NFU1: variants seen among roughly 807,000 people sequenced by gnomAD.
NFU1 encodes the protein NFU1 iron-sulfur cluster scaffold homolog, mitochondrial.
Under a neutral mutation model 32.2 loss-of-function variants are expected in NFU1, and 30 were observed. The observed-to-expected ratio is 0.93, with a 90% CI of 0.70 to 1.26. NFU1 has a LOEUF of 1.26. Among genes scored for constraint, NFU1 ranks in the 50% most tolerant of loss-of-function variants. The pLI is 0.00. For synonymous variants in NFU1, 112 were observed against 104.6 expected, an observed-to-expected ratio of 1.07 and a Z score of -0.43; for missense variants, 306 against 306.6, an observed-to-expected ratio of 1.00 and a Z score of 0.02.
At chr2:69,418,051 T>C (rs1047273513) in intron 4 of NFU1, among the ~76,000 whole-genome samples, 9 of 152,158 alleles carry the variant, frequency 5.9e-5, no homozygotes, top group African/African-American at 9.7e-5. Flanking sequence ...ACATTGAATA[T>C]ATTAAATAAA....
In NFU1 at chr2:69,423,319, T is replaced by TA. The variant is rs1379842482; in HGVS notation, c.302+262dup. Reference sequence around the variant, plus strand: ...GTGTGTGGTAGAGATGGAGTCTCTCTATGTTGCCCAGGCTGGTCTCAAACT... The same window carrying TA: ...GTGTGTGGTAGAGATGGAGTCTCTCTAATGTTGCCCAGGCTGGTCTCAAACT... On this transcript the variant is annotated intron_variant, in intron 3 of 7. Coordinates refer to ENST00000410022, the MANE Select transcript of NFU1 (RefSeq NM_001002755.4). 2.9e-4 allele frequency among the ~76,000 whole-genome samples: 40 copies of TA among 138,766 alleles called. 1 individual carries two copies. The highest frequency in any genetic ancestry group is 1.0e-3 in the African/African-American group (38 of 36,942). 91.0% of individuals were successfully genotyped at this position (138,766 alleles called of 152,430 possible). A position where few individuals can be genotyped will look rare whatever the true frequency, so the allele number is the denominator to read the frequency against.
At chr2:69,428,166 A>G (rs1228311195) in intron 2 of NFU1, among the ~76,000 whole-genome samples, 1 of 151,930 alleles carries the variant, frequency 6.6e-6, no homozygotes, top group Non-Finnish European at 1.5e-5. Flanking sequence ...GGTTATGCCT[A>G]TAATCCCCAG....
At chr2:69,437,623 T>A (rs1358614632), upstream of NFU1, 1 of 680,330 alleles carries the variant, frequency 1.5e-6, no homozygotes, top group East Asian at 2.7e-5. Flanking sequence ...CCGGGGAACC[T>A]TTCCCGTTTG....
intron 3 of NFU1, among the ~76,000 whole-genome samples, chr2:69,421,284 A>G (rs920862292): frequency 6.6e-6 from 1 of 152,120 alleles, no homozygotes; most frequent in African/African-American, 2.4e-5. Flanking sequence ...GAGAAGTGAT[A>G]TGTTTAAGAA....
intron 2 of NFU1, among the ~76,000 whole-genome samples, chr2:69,428,959 G>A (rs1357144951): frequency 6.6e-6 from 1 of 152,148 alleles, no homozygotes; most frequent in African/African-American, 2.4e-5. Flanking sequence ...AAAATTGAAA[G>A]TGAACTCCCA....
At chr2:69,430,497 G>A (rs1356291252) in intron 2 of NFU1, among the ~76,000 whole-genome samples, 3 of 152,120 alleles carry the variant, frequency 2.0e-5, no homozygotes, top group East Asian at 1.9e-4. Flanking sequence ...TTATAGGCAT[G>A]AGCCACCATG....
chr2:69,397,621 A>G (rs1334498472), intron 7 of NFU1, among the ~76,000 whole-genome samples: 1 of 151,248 alleles, frequency 6.6e-6, no homozygotes, highest in East Asian at 1.9e-4. Context: ...TTTTTTTTAA[A>G]AAAAATCTAG....
Position 69,396,137 on chromosome 2 carries a change from G to A in NFU1, c.*109C>T. The A allele has an allele frequency of 1.1e-6, 1 of 881,898 alleles. No homozygotes were observed. Among genetic ancestry groups the A allele is most frequent in the South Asian group, 1.5e-5 (1 of 68,550 alleles). The allele number at this position is 881,898 out of a possible 1,614,324, so 54.6% of individuals were successfully genotyped here. On this transcript the variant is annotated 3_prime_UTR_variant, in exon 8 of 8. Coordinates refer to ENST00000410022, the MANE Select transcript of NFU1 (RefSeq NM_001002755.4). ...ATGCAATATTTATATATCATTCTCT[G>A]AAGAGCATATTTTATTAATCTTCAA...
intron 4 of NFU1, 100 bp downstream of exon 4, chr2:69,419,438 T>C: frequency 1.5e-6 from 1 of 685,452 alleles, no homozygotes; most frequent in Non-Finnish European, 2.6e-6. Context: ...AATATAAAAA[T>C]TAAAGAACAG....
chr2:69,435,879 A>T (rs1221854929), intron 1 of NFU1, among the ~76,000 whole-genome samples: 1 of 148,644 alleles, frequency 6.7e-6, no homozygotes, highest in Non-Finnish European at 1.5e-5. Flanking sequence ...CAGCCTCCCA[A>T]CTCGCTGGGA....
At chr2:69,439,347 C>G (rs1215817767), upstream of NFU1, among the ~76,000 whole-genome samples, 1 of 152,008 alleles carries the variant, frequency 6.6e-6, no homozygotes, top group Non-Finnish European at 1.5e-5. Flanking sequence ...GATGGTGTGT[C>G]CAGAGTCTGT....
chr2:69,436,185 C>T (rs1425551109), intron 1 of NFU1, among the ~76,000 whole-genome samples: 2 of 152,174 alleles, frequency 1.3e-5, no homozygotes, highest in Non-Finnish European at 2.9e-5. Flanking sequence ...CTCAGTTCTT[C>T]ATCTCTACAA....
At chr2:69,421,468 A>G (rs1034337915) in intron 3 of NFU1, among the ~76,000 whole-genome samples, 3 of 151,724 alleles carry the variant, frequency 2.0e-5, no homozygotes, top group East Asian at 1.9e-4. Context: ...CAAAATTTCA[A>G]CTGATGCTGA....
At chr2:69,435,582 G>A (rs1673802051) in intron 1 of NFU1, among the ~76,000 whole-genome samples, 1 of 152,146 alleles carries the variant, frequency 6.6e-6, no homozygotes, top group South Asian at 2.1e-4. Flanking sequence ...CTGTGGGACT[G>A]TAACCCATAG....
At chr2:69,426,127 C>G (rs1359032259) in intron 2 of NFU1, among the ~76,000 whole-genome samples, 1 of 152,102 alleles carries the variant, frequency 6.6e-6, no homozygotes, top group African/African-American at 2.4e-5. Flanking sequence ...TGTGCACCAC[C>G]ACACCCAGCT....
chr2:69,429,892 G>C (rs1022070753), intron 2 of NFU1: 3 of 196,234 alleles, frequency 1.5e-5, no homozygotes, highest in Non-Finnish European at 3.3e-5. Context: ...AGCTGGGTGT[G>C]TTGGTACGCA....
intron 1 of NFU1, among the ~76,000 whole-genome samples, chr2:69,434,159 T>A (rs1673750400): frequency 6.6e-6 from 1 of 151,716 alleles, no homozygotes; most frequent in Admixed American, 6.6e-5. Context: ...CTTTTTTTTT[T>A]TGTGAGACGG....
At chr2:69,439,518 G>A (rs956928108), upstream of NFU1, among the ~76,000 whole-genome samples, 2 of 152,280 alleles carry the variant, frequency 1.3e-5, no homozygotes, top group East Asian at 1.9e-4. Context: ...ACTACAAAGA[G>A]CAAAAGAACA....
chr2:69,419,964 T>C (rs1374483721), intron 3 of NFU1, among the ~76,000 whole-genome samples: 1 of 152,084 alleles, frequency 6.6e-6, no homozygotes, highest in Non-Finnish European at 1.5e-5. Flanking sequence ...ATTTGACACC[T>C]ACTAAGTGCC....
Sources: allele counts gnomAD v4.1 joint callset (sites outside exome capture counted in the v4.1 genomes callset), GRCh38; gene constraint gnomAD v4.1.1; transcripts MANE v1.5; gene names NCBI Gene and HGNC (gene_info 2026-07-23, HGNC 2026-07-21).